TNPO1: variants seen among roughly 807,000 people sequenced by gnomAD.
TNPO1 encodes transportin-1.
TNPO1 carries 8 observed loss-of-function variants against 119.5 expected under a neutral mutation model. That is an observed-to-expected ratio of 0.07 (90% CI 0.04 to 0.12). The LOEUF (loss-of-function observed/expected upper bound fraction) is 0.12. Among genes scored for constraint, TNPO1 ranks in the 10% least tolerant of loss-of-function variants. The probability of loss-of-function intolerance (pLI) is 1.00; values close to 1 mark genes in which losing one functional copy is unlikely to be tolerated. For synonymous variants in TNPO1, 362 were observed against 363.0 expected (o/e 1.00, Z 0.03); for missense variants, 576 against 1,089.8 (o/e 0.53, Z 6.64).
intron 4 of TNPO1, among the ~76,000 whole-genome samples, chr5:72,857,565 G>A (rs1746102159): frequency 6.6e-6 from 1 of 152,218 alleles, no homozygotes; most frequent in Non-Finnish European, 1.5e-5. Flanking sequence ...AAAAAGAATG[G>A]TGAGCGTGTG....
intron 9 of TNPO1, among the ~76,000 whole-genome samples, chr5:72,878,129 G>T (rs1747943418): frequency 6.6e-6 from 1 of 151,880 alleles, no homozygotes. Flanking sequence ...CATAAATGAC[G>T]ATTATATATG....
At position 72,854,827 on chromosome 5, in the gene TNPO1, A is replaced by T. The variant is rs554016174; in HGVS notation, c.206-947A>T. 9.2e-5 allele frequency among the ~76,000 whole-genome samples: 14 copies of T among 152,276 alleles called. 1 individual carries two copies. The highest frequency in any genetic ancestry group is 9.2e-4 in the Admixed American group (14 of 15,282). ...AACTTATTTTAAGAAAACTCTTTTT[A>T]AATGTTTTTGGAGGTATTTTTTTGC... On this transcript the variant is annotated intron_variant, in intron 3 of 24. Coordinates refer to ENST00000337273, the MANE Select transcript of TNPO1 (RefSeq NM_002270.4).
chr5:72,888,585 A>G (rs755774757), intron 13 of TNPO1, among the ~76,000 whole-genome samples: 5 of 152,212 alleles, frequency 3.3e-5, no homozygotes, highest in Non-Finnish European at 7.3e-5. Flanking sequence ...AAATGTGACA[A>G]CATCGATCTT....
intron 1 of TNPO1, among the ~76,000 whole-genome samples, chr5:72,821,641 G>T (rs967764073): frequency 6.6e-6 from 1 of 152,128 alleles, no homozygotes; most frequent in African/African-American, 2.4e-5. Context: ...ATCTCTTGTC[G>T]AGAGATTTAC....
chr5:72,893,713 T>C lies in TNPO1; in HGVS notation c.2143+10T>C, dbSNP rs753590471. ...GTTAAGCCTTGTATAGGTATGAATA[T>C]TTTCTACTGCTATGAATATGGTTTT... is the stretch of plus-strand genomic sequence containing the variant. On this transcript the variant is annotated intron_variant, in intron 18 of 24. Coordinates refer to ENST00000337273, the MANE Select transcript of TNPO1 (RefSeq NM_002270.4). The C allele has an allele frequency of 1.6e-5, 25 of 1,610,240 alleles. No homozygotes were observed. The highest frequency in any genetic ancestry group is 4.4e-5 in the South Asian group (4 of 90,962).
intron 7 of TNPO1, among the ~76,000 whole-genome samples, chr5:72,872,999 A>T (rs578153651): frequency 7.9e-5 from 12 of 152,122 alleles, no homozygotes; most frequent in African/African-American, 2.9e-4. Context: ...TACTTTAAAA[A>T]TTTTTCCTTC....
chr5:72,832,069 CTT>C (rs1439903627), intron 1 of TNPO1, among the ~76,000 whole-genome samples: 5 of 151,864 alleles, frequency 3.3e-5, no homozygotes, highest in Admixed American at 3.3e-4. Flanking sequence ...ATAATACTCT[CTT>C]TTGTGTATTT....
At position 72,896,989 on chromosome 5, in the gene TNPO1, T is replaced by C. The variant is rs2112475841; in HGVS notation, c.2243-67T>C. 2 of 932,796 alleles carry C rather than the reference T, an allele frequency of 2.1e-6. 1 individual carries two copies. Among genetic ancestry groups the C allele is most frequent in the Non-Finnish European group, 3.1e-6 (2 of 642,772 alleles). The allele number at this position is 932,796 out of a possible 1,614,324, so 57.8% of individuals were successfully genotyped here. A position where few individuals can be genotyped will look rare whatever the true frequency, so the allele number is the denominator to read the frequency against. ...CAGAGTTAATACGGGAAGCAAAATA[T>C]TTCACATTGATATTTTAACGTTCAA... On this transcript the variant is annotated intron_variant, in intron 19 of 24. Coordinates refer to ENST00000337273, the MANE Select transcript of TNPO1 (RefSeq NM_002270.4).
chr5:72,829,681 A>T (rs558947152), intron 1 of TNPO1, among the ~76,000 whole-genome samples: 9 of 152,306 alleles, frequency 5.9e-5, no homozygotes, highest in African/African-American at 1.4e-4. Context: ...CATGGTCTTT[A>T]GTTACTTTAT....
intron 15 of TNPO1, among the ~76,000 whole-genome samples, chr5:72,892,202 T>A (rs757170069): frequency 2.0e-5 from 3 of 152,048 alleles, no homozygotes; most frequent in Non-Finnish European, 4.4e-5. Context: ...CTCATACATA[T>A]ATGTTGAGTA....
intron 8 of TNPO1, among the ~76,000 whole-genome samples, chr5:72,876,673 ATCTC>A (rs1279093014): frequency 6.6e-6 from 1 of 152,214 alleles, no homozygotes; most frequent in African/African-American, 2.4e-5. Flanking sequence ...CATTTCAAAA[ATCTC>A]AGTAGTATCA....
intron 4 of TNPO1, among the ~76,000 whole-genome samples, chr5:72,859,165 A>G (rs749617423): frequency 2.6e-5 from 4 of 152,206 alleles, no homozygotes; most frequent in Non-Finnish European, 4.4e-5. Context: ...CTCTGACTCT[A>G]CATTATCAGT....
chr5:72,888,315 T>A lies in TNPO1; in HGVS notation c.1529+12T>A. On this transcript the variant is annotated intron_variant, in intron 13 of 24. Coordinates refer to ENST00000337273, the MANE Select transcript of TNPO1 (RefSeq NM_002270.4). ...GAAGCTGCCTGCAGGTGGGACAGAT[T>A]CATAACACAGTGTTCTTTGTGGCAG... 1 of 1,607,784 alleles carries A rather than the reference T, an allele frequency of 6.2e-7. No individual in the cohort carries two copies. Among genetic ancestry groups the A allele is most frequent in the African/African-American group, 1.3e-5 (1 of 74,922 alleles).
chr5:72,849,649 C>G (rs1251310577), intron 2 of TNPO1, among the ~76,000 whole-genome samples: 1 of 152,136 alleles, frequency 6.6e-6, no homozygotes, highest in Non-Finnish European at 1.5e-5. Flanking sequence ...TAGTACTTCC[C>G]ATTTAAAAGT....
intron 1 of TNPO1, chr5:72,817,047 T>TA (rs1341372416): frequency 2.3e-6 from 1 of 441,896 alleles, no homozygotes; most frequent in Non-Finnish European, 4.0e-6. Context: ...GGAAGGGTCT[T>TA]ACATTCAGGG....
Position 72,893,427 on chromosome 5 carries a change from G to A in TNPO1, c.1947G>A (p.Met649Ile). Residue 649 changes from methionine to isoleucine, a missense_variant, in exon 17 of 25, where the codon ATG becomes ATA. By Grantham distance (10) the Met-to-Ile change is conservative. Transcript: ENST00000337273. ...ATGAAGCTCCAGATAAAGATTTTAT[G>A]ATAGTGGCTCTTGATTTACTGAGTG... ...DQYEAPDKDF[M>I]IVALDLLSGL... The A allele has an allele frequency of 6.2e-7, 1 of 1,614,162 alleles. No individual in the cohort carries two copies. Among genetic ancestry groups the A allele is most frequent in the Non-Finnish European group, 8.5e-7 (1 of 1,180,040 alleles).
At chr5:72,882,641 C>T (rs1748330768) in intron 10 of TNPO1, 114 bp downstream of exon 10, 2 of 686,396 alleles carry the variant, frequency 2.9e-6, no homozygotes, top group Non-Finnish European at 4.9e-6. Flanking sequence ...AATAGACTTC[C>T]TATTATCCAT....
intron 1 of TNPO1, among the ~76,000 whole-genome samples, chr5:72,829,578 A>G (rs1017769697): frequency 2.6e-5 from 4 of 152,262 alleles, no homozygotes; most frequent in Admixed American, 2.6e-4. Context: ...TTCAGTAGCA[A>G]GTATAAGAAG....
chr5:72,821,123 A>G (rs959296272), intron 1 of TNPO1, among the ~76,000 whole-genome samples: 9 of 152,224 alleles, frequency 5.9e-5, no homozygotes, highest in Non-Finnish European at 1.3e-4. Context: ...GCAAAAAAAT[A>G]TGTGTTTCAC....
Sources: allele counts gnomAD v4.1 joint callset (sites outside exome capture counted in the v4.1 genomes callset), GRCh38; gene constraint gnomAD v4.1.1; transcripts MANE v1.5; gene names NCBI Gene and HGNC (gene_info 2026-07-23, HGNC 2026-07-21).